MYO18A: variants seen among roughly 807,000 people sequenced by gnomAD.
The protein encoded by MYO18A is unconventional myosin-XVIIIa.
A neutral mutation model predicts 235.8 loss-of-function variants in MYO18A; 78 were observed. That is an observed-to-expected ratio of 0.33 (90% confidence interval 0.28 to 0.40). MYO18A has a LOEUF of 0.40. MYO18A is among the 10% of genes least tolerant of loss of function. MYO18A has a pLI of 1.00. For missense variants in MYO18A, 2,215 were observed against 2,699.3 expected (o/e 0.82, Z 3.98); for synonymous variants, 977 against 1,077.8 (o/e 0.91, Z 1.83).
In MYO18A at chr17:29,106,599, C is replaced by T. The variant is rs2066791154; in HGVS notation, c.3441+481G>A. Among the ~76,000 whole-genome samples, 1 of 152,292 alleles carries T rather than the reference C, an allele frequency of 6.6e-6. No individual in the cohort carries two copies. The highest frequency in any genetic ancestry group is 2.1e-4 in the South Asian group (1 of 4,830). On this transcript the variant is annotated intron_variant, in intron 20 of 41. Transcript: ENST00000527372. This position sits in a 1 kb window ranked among gnomAD's most constrained non-coding sequence, Gnocchi z 4.6. The stretch of plus-strand genomic sequence containing the variant: ...ATAGCCCAGACGGGCAGGGACACCC[C>T]TTCCGCAGCCACAAGTTCACCAACC...
intron 2 of MYO18A, among the ~76,000 whole-genome samples, chr17:29,151,789 ATCAGAAG>A (rs1298309797): frequency 3.3e-5 from 5 of 152,190 alleles, no homozygotes; most frequent in African/African-American, 4.8e-5. Flanking sequence ...CTCCTATAGA[ATCAGAAG>A]TCCCAACAGA....
intron 2 of MYO18A, chr17:29,133,715 T>C (rs1018637350): frequency 1.9e-6 from 2 of 1,061,038 alleles, no homozygotes; most frequent in African/African-American, 1.6e-5. Flanking sequence ...CAAAGCTCCC[T>C]CTCCCACAAG....
At chr17:29,129,008 C>G in intron 2 of MYO18A, 3 of 1,275,048 alleles carry the variant, frequency 2.4e-6, no homozygotes, top group Non-Finnish European at 3.1e-6. Flanking sequence ...CGAGTCCCAC[C>G]TCCATTCCTA....
In MYO18A at chr17:29,087,184, G is replaced by A. The variant is rs537794406; in HGVS notation, c.5527-63C>T. The A allele has an allele frequency of 9.1e-6, 14 of 1,532,188 alleles. No homozygotes were observed. The East Asian group carries it at 2.9e-4, about 32-fold the overall frequency. 94.9% of individuals were successfully genotyped at this position (1,532,188 alleles called of 1,614,324 possible). On this transcript the variant is annotated intron_variant, in intron 37 of 41. Transcript: ENST00000527372. Reference sequence around the variant, plus strand: ...GGCCCATCAGCCAGGCAGAGGGAGGGTGTGGCAGAGCTCTGGGTGAGGAGG... The same window carrying A: ...GGCCCATCAGCCAGGCAGAGGGAGGATGTGGCAGAGCTCTGGGTGAGGAGG...
rs1394649497 is a variant in MYO18A at position 29,093,544 on chromosome 17, G to T, written c.4822-117C>A. Reference sequence around the variant, plus strand: ...ACAGTGGGGCAGGCCTGAGCACAATGATGTTGGTGGAGGGGTCAGAACCTA... The same window carrying T: ...ACAGTGGGGCAGGCCTGAGCACAATTATGTTGGTGGAGGGGTCAGAACCTA... On this transcript the variant is annotated intron_variant, in intron 31 of 41. Transcript: ENST00000527372. The T allele has an allele frequency of 9.3e-6, 7 of 750,432 alleles. No homozygotes were observed. In the Admixed American group the frequency reaches 1.1e-4, roughly 12 times the overall value. 46.5% of individuals were successfully genotyped at this position (750,432 alleles called of 1,614,324 possible).
At chr17:29,102,518 A>G (rs2066680239) in intron 21 of MYO18A, among the ~76,000 whole-genome samples, 2 of 152,246 alleles carry the variant, frequency 1.3e-5, no homozygotes, top group Non-Finnish European at 2.9e-5. Context: ...AGGTAGACAA[A>G]GCAGTGACAC....
At chr17:29,151,169 C>T (rs143014052) in intron 2 of MYO18A, among the ~76,000 whole-genome samples, 52 of 152,200 alleles carry the variant, frequency 3.4e-4, no homozygotes, top group African/African-American at 1.1e-3. Context: ...CCCAAGAGTT[C>T]GCTGCAGTGA....
chr17:29,073,061 C>G lies in MYO18A; in HGVS notation c.*1709G>C, dbSNP rs1299270319. 6.7e-6 allele frequency: 1 copy of G among 150,374 alleles called. No individual in the cohort carries two copies. Among genetic ancestry groups the G allele is most frequent in the Non-Finnish European group, 1.5e-5 (1 of 67,856 alleles). The allele number at this position is 150,374 out of a possible 1,614,324, so 9.3% of individuals were successfully genotyped here. A position where few individuals can be genotyped will look rare whatever the true frequency, so the allele number is the denominator to read the frequency against. ...TTAAAAAATGTTCTAATGAGAAGGG[C>G]TTGAATCCAAAAAGAAAGAGAATGA... On this transcript the variant is annotated 3_prime_UTR_variant, in exon 42 of 42. Transcript: ENST00000527372.
At chr17:29,138,118 G>A (rs1196643086) in intron 2 of MYO18A, among the ~76,000 whole-genome samples, 1 of 152,148 alleles carries the variant, frequency 6.6e-6, no homozygotes, top group African/African-American at 2.4e-5. Context: ...GCCCCTCACA[G>A]GAGGGAATGG....
intron 2 of MYO18A, among the ~76,000 whole-genome samples, chr17:29,164,813 T>C (rs1216586830): frequency 1.3e-5 from 2 of 152,250 alleles, no homozygotes; most frequent in Non-Finnish European, 2.9e-5. Flanking sequence ...CTCCTCCATC[T>C]GATCTAAACC....
intron 1 of MYO18A, among the ~76,000 whole-genome samples, chr17:29,171,835 T>G (rs926616676): frequency 2.0e-5 from 3 of 151,412 alleles, no homozygotes; most frequent in Non-Finnish European, 2.9e-5. Context: ...CGAGGCTACA[T>G]TGAGCCACGA....
chr17:29,098,158 C>T lies in MYO18A; in HGVS notation c.3937G>A (p.Asp1313Asn). Residue 1313 changes from aspartate (D) to asparagine (N), a missense_variant, in exon 25 of 42, where the codon GAC becomes AAC. By Grantham distance (23) the Asp-to-Asn change is conservative. Coordinates refer to ENST00000527372, the MANE Select transcript of MYO18A (RefSeq NM_078471.4). Reference sequence around the variant, plus strand: ...CGGAGCCTCTCTGCTGTCTCCGCGTCCAGCAGCTGGGAGGCGGACTCTCCT... The same window carrying T: ...CGGAGCCTCTCTGCTGTCTCCGCGTTCAGCAGCTGGGAGGCGGACTCTCCT... Reference protein sequence around the residue: ...NTGESASQLLDAETAERLRAE... With the variant: ...NTGESASQLLNAETAERLRAE... The T allele has an allele frequency of 6.2e-7, 1 of 1,613,966 alleles. No individual in the cohort carries two copies. Among genetic ancestry groups the T allele is most frequent in the Non-Finnish European group, 8.5e-7 (1 of 1,179,888 alleles).
At chr17:29,086,878 A>G in intron 38 of MYO18A, 58 bp downstream of exon 38, 1 of 1,537,688 alleles carries the variant, frequency 6.5e-7, no homozygotes, top group Non-Finnish European at 8.8e-7. Flanking sequence ...TGAGGCATAC[A>G]CTCAGCAGCT....
At chr17:29,083,360 T>G (rs187459595) in intron 40 of MYO18A, among the ~76,000 whole-genome samples, 36 of 152,236 alleles carry the variant, frequency 2.4e-4, no homozygotes, top group Non-Finnish European at 2.8e-4. Context: ...AGCTTCTGAG[T>G]AAGATTGCTT....
intron 27 of MYO18A, 96 bp downstream of exon 27, chr17:29,097,127 A>G: frequency 2.0e-6 from 3 of 1,535,672 alleles, no homozygotes; most frequent in Non-Finnish European, 2.6e-6. Context: ...CATTCCAGCC[A>G]GGCCTGCCTG....
Position 29,140,216 on chromosome 17 carries a change from C to T in MYO18A, c.1000-17963G>A, listed in dbSNP as rs372926667. On this transcript the variant is annotated intron_variant, in intron 2 of 41. Coordinates refer to ENST00000527372, the MANE Select transcript of MYO18A (RefSeq NM_078471.4). This position sits in a 1 kb window ranked among gnomAD's most constrained non-coding sequence, Gnocchi z 4.2. ...GAGAGGAGCCCCAAGGCTGCCCCACCCCTCTCCCCACCTACTTCAGCCACA... is the reference window on the plus strand; with the variant it reads ...GAGAGGAGCCCCAAGGCTGCCCCACTCCTCTCCCCACCTACTTCAGCCACA... 20 of 615,220 alleles carry T rather than the reference C, an allele frequency of 3.3e-5. 1 individual carries two copies. The African/African-American group carries it at 3.6e-4, about 11-fold the overall frequency. 38.1% of individuals were successfully genotyped at this position (615,220 alleles called of 1,614,324 possible). A position where few individuals can be genotyped will look rare whatever the true frequency, so the allele number is the denominator to read the frequency against.
At chr17:29,177,644 A>G (rs1314697295) in intron 1 of MYO18A, among the ~76,000 whole-genome samples, 1 of 152,178 alleles carries the variant, frequency 6.6e-6, no homozygotes, top group Non-Finnish European at 1.5e-5. Context: ...CTTAAACTCC[A>G]TCAAGCTGCC....
At position 29,094,646 on chromosome 17, in the gene MYO18A, G is replaced by T. The variant is rs781452020; in HGVS notation, c.4710+4C>A. On this transcript the variant is annotated splice_donor_region_variant and intron_variant, in intron 30 of 41. Transcript: ENST00000527372. Reference sequence around the variant, plus strand: ...ACCTCTCCCTTGGCCAAGCCCTCCTGTACCTGTTCCAGCATCTGGATGGTC... The same window carrying T: ...ACCTCTCCCTTGGCCAAGCCCTCCTTTACCTGTTCCAGCATCTGGATGGTC... 33 of 1,614,026 alleles carry T rather than the reference G, an allele frequency of 2.0e-5. No homozygotes were observed. Among genetic ancestry groups the T allele is most frequent in the Non-Finnish European group, 2.3e-5 (27 of 1,179,868 alleles).
chr17:29,098,963 C>A lies in MYO18A; in HGVS notation c.3643G>T (p.Asp1215Tyr). 1 of 1,613,302 alleles carries A rather than the reference C, an allele frequency of 6.2e-7. No individual in the cohort carries two copies. The highest frequency in any genetic ancestry group is 8.5e-7 in the Non-Finnish European group (1 of 1,179,802). ...RQHFKKRKIQ[D>Y]LAIRCVQKNI... ...TTCTGTACACAGCGAATGGCCAGGT[C>A]CTGGATCTGCAGGTGGGGTGGGGGT... is the stretch of plus-strand genomic sequence containing the variant. The change falls in exon 23 of 42, where the codon GAC becomes TAC. Residue 1215 changes from aspartate to tyrosine, a missense_variant. By Grantham distance (160) the Asp-to-Tyr change is radical. Coordinates refer to ENST00000527372, the MANE Select transcript of MYO18A (RefSeq NM_078471.4).
Sources: gnomAD v4.1 joint callset for allele counts (sites outside exome capture counted in the v4.1 genomes callset) on GRCh38, gnomAD v4.1.1 for gene constraint, Gnocchi (gnomAD v3.1) non-coding constraint, MANE v1.5 for transcripts, NCBI Gene and HGNC (gene_info 2026-07-23, HGNC 2026-07-21) for gene names.